DLGAP2: variants seen among roughly 807,000 people sequenced by gnomAD.
DLGAP2 encodes the protein DLG associated protein 2.
Under a neutral mutation model 100.3 loss-of-function variants are expected in DLGAP2, and 26 were observed. The observed-to-expected ratio is 0.26, with a 90% CI of 0.19 to 0.36. DLGAP2 has a LOEUF of 0.36. DLGAP2 is among the 10% of genes least tolerant of loss of function. The pLI is 1.00. For synonymous variants in DLGAP2, 886 were observed against 630.1 expected (o/e 1.41, Z -6.08); for missense variants, 1,858 against 1,453.2 (o/e 1.28, Z -4.53).
chr8:1,561,884 G>A (rs1400757168), intron 5 of DLGAP2, among the ~76,000 whole-genome samples: 1 of 43,636 alleles, frequency 2.3e-5, no homozygotes, highest in Non-Finnish European at 4.3e-5. Flanking sequence ...TTGGGTGTCC[G>A]CGCCTCGTTA....
intron 6 of DLGAP2, among the ~76,000 whole-genome samples, chr8:1,585,696 G>A (rs190442532): frequency 6.6e-6 from 1 of 152,164 alleles, no homozygotes; most frequent in African/African-American, 2.4e-5. Context: ...GCGGCCCCGT[G>A]CCCCCACCAC....
rs1169231315 is a variant in DLGAP2 at position 1,317,542 on chromosome 8, G to A, written c.106+58659G>A. ...AAAATAGAGGCTGTGCGAGTGCAGCGTGTCTCCAACAGTGGTCTACACTCG... is the reference window on the plus strand; with the variant it reads ...AAAATAGAGGCTGTGCGAGTGCAGCATGTCTCCAACAGTGGTCTACACTCG... On this transcript the variant is annotated intron_variant, in intron 3 of 14. Transcript: ENST00000637795. Among the ~76,000 whole-genome samples the A allele has an allele frequency of 2.5e-3, 333 of 135,290 alleles. 1 individual carries two copies. The highest frequency in any genetic ancestry group is 8.1e-3 in the African/African-American group (264 of 32,420). The allele number at this position is 135,290 out of a possible 152,430, so 88.8% of individuals were successfully genotyped here. A position where few individuals can be genotyped will look rare whatever the true frequency, so the allele number is the denominator to read the frequency against.
chr8:980,016 A>G (rs1800283093), intron 2 of DLGAP2, among the ~76,000 whole-genome samples: 1 of 152,190 alleles, frequency 6.6e-6, no homozygotes, highest in East Asian at 1.9e-4. Context: ...GGACTTGGCA[A>G]CTGTTCAAAG....
intron 2 of DLGAP2, among the ~76,000 whole-genome samples, chr8:1,056,722 A>G (rs982313980): frequency 6.6e-6 from 1 of 152,200 alleles, no homozygotes; most frequent in Non-Finnish European, 1.5e-5. Flanking sequence ...TTGAATTCTG[A>G]CCCTGCCAGA....
intron 2 of DLGAP2, among the ~76,000 whole-genome samples, chr8:1,120,714 C>T (rs1196679636): frequency 6.6e-6 from 1 of 152,000 alleles, no homozygotes; most frequent in Non-Finnish European, 1.5e-5. Context: ...TCCGTTACCG[C>T]CCATTCTAGA....
In DLGAP2 at chr8:1,306,717, G is replaced by C. The variant is rs76336176; in HGVS notation, c.106+47834G>C. On this transcript the variant is annotated intron_variant, in intron 3 of 14. Coordinates refer to ENST00000637795, the MANE Select transcript of DLGAP2 (RefSeq NM_001346810.2). ...CACAGACATCTAGACTAATGGAACA[G>C]AATAGAGAGTCCAGAAATAAACCCT... Among the ~76,000 whole-genome samples, 284 of 152,276 alleles carry C rather than the reference G, an allele frequency of 1.9e-3. 4 individuals are homozygous for C. Among genetic ancestry groups the C allele is most frequent in the Middle Eastern group, 6.8e-3 (2 of 294 alleles).
chr8:1,247,293 G>T (rs1371330865), intron 2 of DLGAP2, among the ~76,000 whole-genome samples: 1 of 103,358 alleles, frequency 9.7e-6, no homozygotes, highest in East Asian at 2.6e-4. Flanking sequence ...ATCGGTGGCT[G>T]GGAAGACCAT....
At chr8:1,197,927 C>T (rs1376958835) in intron 2 of DLGAP2, among the ~76,000 whole-genome samples, 1 of 152,160 alleles carries the variant, frequency 6.6e-6, no homozygotes, top group Admixed American at 6.5e-5. Flanking sequence ...TGCATCCTCC[C>T]AGAACTGGCC....
In DLGAP2 at chr8:1,362,050, G is replaced by C. The variant is rs995802504; in HGVS notation, c.106+103167G>C. ...GGCAAGTTCGGTGTCTGGGGTTAAAGTTTAGGAGAATGAAAGAGAATTCAA... is the reference window on the plus strand; with the variant it reads ...GGCAAGTTCGGTGTCTGGGGTTAAACTTTAGGAGAATGAAAGAGAATTCAA... On this transcript the variant is annotated intron_variant, in intron 3 of 14. Transcript: ENST00000637795. Among the ~76,000 whole-genome samples, 4 of 152,216 alleles carry C rather than the reference G, an allele frequency of 2.6e-5. No individual in the cohort carries two copies. The East Asian group carries it at 7.7e-4, about 29-fold the overall frequency.
intron 2 of DLGAP2, among the ~76,000 whole-genome samples, chr8:1,181,562 G>A (rs1252491541): frequency 1.3e-5 from 2 of 151,846 alleles, no homozygotes; most frequent in Admixed American, 6.6e-5. Context: ...AGAAGGGAGA[G>A]GATCAGGAAT....
intron 4 of DLGAP2, among the ~76,000 whole-genome samples, chr8:1,509,173 T>C (rs1800063914): frequency 6.6e-6 from 1 of 151,758 alleles, no homozygotes; most frequent in South Asian, 2.1e-4. Context: ...TCTACTAAAA[T>C]ACAAAATATT....
intron 1 of DLGAP2, among the ~76,000 whole-genome samples, chr8:748,801 A>T (rs1484624005): frequency 6.6e-6 from 1 of 152,174 alleles, no homozygotes; most frequent in Non-Finnish European, 1.5e-5. Context: ...TTCCCAGTGG[A>T]CAAGGATGGG....
At chr8:1,081,892 G>C (rs1008039781) in intron 2 of DLGAP2, among the ~76,000 whole-genome samples, 1 of 152,124 alleles carries the variant, frequency 6.6e-6, no homozygotes, top group Non-Finnish European at 1.5e-5. Context: ...CCGACGCTGC[G>C]GCTGCTCCTA....
chr8:1,030,584 C>G (rs1217622632), intron 2 of DLGAP2, among the ~76,000 whole-genome samples: 1 of 152,140 alleles, frequency 6.6e-6, no homozygotes, highest in East Asian at 1.9e-4. Flanking sequence ...AAATATTTTT[C>G]ATGTTTAAGC....
chr8:1,376,388 A>G (rs1408019011), intron 3 of DLGAP2, among the ~76,000 whole-genome samples: 4 of 152,212 alleles, frequency 2.6e-5, no homozygotes, highest in East Asian at 3.8e-4. Flanking sequence ...CAGAGAGAGG[A>G]GCTTCCTTGA....
chr8:1,428,025 A>G (rs1797285881), intron 3 of DLGAP2, among the ~76,000 whole-genome samples: 1 of 152,204 alleles, frequency 6.6e-6, no homozygotes, highest in Non-Finnish European at 1.5e-5. Flanking sequence ...ACATGTATTT[A>G]TTGGAAAATG....
intron 1 of DLGAP2, among the ~76,000 whole-genome samples, chr8:777,978 C>G (rs1161148816): frequency 6.6e-6 from 1 of 152,144 alleles, no homozygotes; most frequent in Non-Finnish European, 1.5e-5. Context: ...CCATCACTTT[C>G]AGGTACACCA....
At chr8:1,036,015 C>T (rs1368628080) in intron 2 of DLGAP2, among the ~76,000 whole-genome samples, 1 of 116,208 alleles carries the variant, frequency 8.6e-6, no homozygotes, top group Non-Finnish European at 1.9e-5. Flanking sequence ...ATCCCGACCC[C>T]GCGTGTCACC....
chr8:1,272,020 T>A (rs73168501), intron 3 of DLGAP2, among the ~76,000 whole-genome samples: 5,154 of 152,184 alleles, frequency 0.034, 142 homozygotes, highest in African/African-American at 0.078. Context: ...CACTACACGT[T>A]GGCCAAGTTG....
Sources: allele counts gnomAD v4.1 joint callset (sites outside exome capture counted in the v4.1 genomes callset), GRCh38; gene constraint gnomAD v4.1.1; transcripts MANE v1.5; gene names NCBI Gene and HGNC (gene_info 2026-07-23, HGNC 2026-07-21).